The following ACKR2 variants were observed in gnomAD, a reference collection of about 807,000 sequenced individuals.
The protein encoded by ACKR2 is C-C chemokine receptor D6.
For synonymous variants in ACKR2, 207 were observed against 192.2 expected (o/e 1.08, Z -0.64); for missense variants, 457 against 477.3 (o/e 0.96, Z 0.40).
chr3:42,842,985 CAAAAAAA>C (rs199716542), intron 2 of ACKR2, among the ~76,000 whole-genome samples: 1 of 80,838 alleles, frequency 1.2e-5, no homozygotes, highest in Non-Finnish European at 2.3e-5. Context: ...ACTCTGTCTC[CAAAAAAA>C]AAAAAAAAAA....
chr3:42,864,331 G>A (rs1017933022), intron 2 of ACKR2, 135 bp from the exon 3 acceptor site: 2 of 712,712 alleles, frequency 2.8e-6, no homozygotes, highest in Non-Finnish European at 4.4e-6. Context: ...GGCTCCCTAA[G>A]CTTTTGCTCT....
intron 2 of ACKR2, among the ~76,000 whole-genome samples, chr3:42,850,266 C>G (rs1436960070): frequency 6.6e-6 from 1 of 152,140 alleles, no homozygotes; most frequent in East Asian, 1.9e-4. Context: ...TTCTTGGTAG[C>G]CTGTGGACCC....
At chr3:42,844,130 T>C (rs1355447929) in intron 2 of ACKR2, 1 of 152,208 alleles carries the variant, frequency 6.6e-6, no homozygotes, top group Non-Finnish European at 1.5e-5. Context: ...TGAGTGTAAA[T>C]TTTAGGTTGA....
At chr3:42,832,184 T>C (rs1039985809) in intron 2 of ACKR2, among the ~76,000 whole-genome samples, 4 of 152,146 alleles carry the variant, frequency 2.6e-5, no homozygotes, top group Admixed American at 2.0e-4. Context: ...TGACCCTTAA[T>C]TGTTAGAAAT....
intron 1 of ACKR2, among the ~76,000 whole-genome samples, chr3:42,814,021 G>T (rs1188758624): frequency 6.6e-6 from 1 of 152,162 alleles, no homozygotes; most frequent in Non-Finnish European, 1.5e-5. Flanking sequence ...TTGAGGTTTT[G>T]TTGCCTGTTT....
intron 1 of ACKR2, among the ~76,000 whole-genome samples, chr3:42,814,656 G>A (rs567424268): frequency 1.3e-5 from 2 of 152,228 alleles, no homozygotes; most frequent in African/African-American, 4.8e-5. Flanking sequence ...ACCAGATTTG[G>A]GAGTCACCAT....
rs1159612729 is a variant in ACKR2 at position 42,832,703 on chromosome 3, A to AT, written c.-38+13002dup. The stretch of plus-strand genomic sequence containing the variant: ...CATATGATCCGTATGTGTCATTTTA[A>AT]TTTTTTTTTTGAGACAGAGTCTCAC... On this transcript the variant is annotated intron_variant, in intron 2 of 2. Transcript: ENST00000422265. Among the ~76,000 whole-genome samples the AT allele has an allele frequency of 2.6e-3, 386 of 149,808 alleles. 2 individuals carry two copies. Among genetic ancestry groups the AT allele is most frequent in the African/African-American group, 7.0e-3 (287 of 40,864 alleles).
At chr3:42,831,005 T>C (rs570430049) in intron 2 of ACKR2, among the ~76,000 whole-genome samples, 1 of 151,810 alleles carries the variant, frequency 6.6e-6, no homozygotes, top group South Asian at 2.1e-4. Context: ...CCTGGGACTA[T>C]AATTTTCTGA....
At position 42,812,680 on chromosome 3, in the gene ACKR2, CTTTTTTTTTTT is replaced by C. The variant is rs71616070; in HGVS notation, c.-119+3162_-119+3172del. ...TAAAAGTGGTTGGGCAATTTTCAGC[CTTTTTTTTTTT>C]TTTTTTTTTTTTTGAGATGGAGTCT... is the stretch of plus-strand genomic sequence containing the variant. On this transcript the variant is annotated intron_variant, in intron 1 of 2. Transcript: ENST00000422265. 8.2e-5 allele frequency among the ~76,000 whole-genome samples: 6 copies of C among 72,760 alleles called. No individual in the cohort carries two copies. In the Admixed American group the frequency reaches 9.8e-4, roughly 12 times the overall value. 47.7% of individuals were successfully genotyped at this position (72,760 alleles called of 152,430 possible).
At chr3:42,833,690 G>A (rs1276259583) in intron 2 of ACKR2, among the ~76,000 whole-genome samples, 1 of 144,380 alleles carries the variant, frequency 6.9e-6, no homozygotes, top group Non-Finnish European at 1.5e-5. Flanking sequence ...TGGGAATGAC[G>A]ATTTGAGAGA....
At chr3:42,850,105 G>A (rs1701137127) in intron 2 of ACKR2, among the ~76,000 whole-genome samples, 1 of 152,120 alleles carries the variant, frequency 6.6e-6, no homozygotes. Flanking sequence ...TTCTGTGGGA[G>A]GGACCGAGGA....
chr3:42,841,698 A>G (rs1224250473), intron 2 of ACKR2: 4 of 152,294 alleles, frequency 2.6e-5, no homozygotes, highest in Non-Finnish European at 4.4e-5. Flanking sequence ...TGCCTTCAAG[A>G]AGTCCCCAGC....
intron 1 of ACKR2, among the ~76,000 whole-genome samples, chr3:42,809,788 GGAGGCA>G (rs1700676055): frequency 6.6e-6 from 1 of 151,982 alleles, no homozygotes; most frequent in Non-Finnish European, 1.5e-5. Context: ...TGTGAACCTG[GGAGGCA>G]GAGGTTGCAG....
chr3:42,833,319 G>A (rs2125609596), intron 2 of ACKR2, among the ~76,000 whole-genome samples: 1 of 152,264 alleles, frequency 6.6e-6, no homozygotes, highest in Admixed American at 6.5e-5. Context: ...ATCTCAAGAT[G>A]TAATCAACAT....
intron 2 of ACKR2, among the ~76,000 whole-genome samples, chr3:42,843,105 C>T (rs1559689636): frequency 6.6e-6 from 1 of 151,286 alleles, no homozygotes; most frequent in South Asian, 2.1e-4. Flanking sequence ...GAGTCTCTCT[C>T]TCTCTGTTGT....
chr3:42,865,408 C>G lies in ACKR2; in HGVS notation c.906C>G (p.Phe302Leu). ...TCCAGGTAACAGAGAGCATCGCCTT[C>G]CTTCACTGCTGCTTTTCCCCCATCC... Reference protein sequence around the residue: ...YALQVTESIAFLHCCFSPILY... With the variant: ...YALQVTESIALLHCCFSPILY... The change falls in exon 3 of 3, where the codon TTC (phenylalanine) becomes TTG (leucine). Residue 302 changes from phenylalanine to leucine, a missense_variant. Transcript: ENST00000422265. 6.2e-7 allele frequency: 1 copy of G among 1,614,186 alleles called. No individual in the cohort carries two copies.
intron 2 of ACKR2, among the ~76,000 whole-genome samples, chr3:42,821,370 C>CA (rs1378803416): frequency 6.6e-6 from 1 of 152,192 alleles, no homozygotes; most frequent in Non-Finnish European, 1.5e-5. Flanking sequence ...TGCAATACGC[C>CA]AACAGCACAC....
chr3:42,837,226 T>C (rs1225312117), intron 2 of ACKR2, among the ~76,000 whole-genome samples: 1 of 152,000 alleles, frequency 6.6e-6, no homozygotes, highest in Admixed American at 6.6e-5. Flanking sequence ...CTGAAGTTTT[T>C]TTTTTTGGAA....
chr3:42,810,365 C>T (rs1028910150), intron 1 of ACKR2, among the ~76,000 whole-genome samples: 7 of 151,956 alleles, frequency 4.6e-5, no homozygotes, highest in Non-Finnish European at 1.0e-4. Flanking sequence ...TAAGATTTCT[C>T]TTCAAATAAT....
Sources: allele counts gnomAD v4.1 joint callset (sites outside exome capture counted in the v4.1 genomes callset), GRCh38; gene constraint gnomAD v4.1.1; transcripts MANE v1.5; gene names NCBI Gene and HGNC (gene_info 2026-07-23, HGNC 2026-07-21).